Variants in OSBPL8 observed in about 807,000 individuals in gnomAD.
OSBPL8 encodes the protein oxysterol-binding protein-related protein 8.
Under a neutral mutation model 125.5 loss-of-function variants are expected in OSBPL8, and 59 were observed. The observed-to-expected ratio is 0.47, with a 90% CI of 0.38 to 0.58. OSBPL8 has a LOEUF of 0.58. Ranked by LOEUF, OSBPL8 falls within the 20% of genes least tolerant of loss-of-function variation. OSBPL8 has a pLI of 0.00. For missense variants in OSBPL8, 758 were observed against 1,047.8 expected (o/e 0.72, Z 3.82); for synonymous variants, 330 against 338.9 (o/e 0.97, Z 0.29).
Position 76,485,203 on chromosome 12 carries a change from G to GT in OSBPL8, c.42+2306dup, listed in dbSNP as rs546412293. On this transcript the variant is annotated intron_variant, in intron 2 of 23. Transcript: ENST00000261183. ...CTCCCAAAGTGCTGGGATTACAGGTGTGACGCACCGTGCCCGGCCTCTCAC... is the reference window on the plus strand; with the variant it reads ...CTCCCAAAGTGCTGGGATTACAGGTGTTGACGCACCGTGCCCGGCCTCTCAC... Among the ~76,000 whole-genome samples, 37 of 152,134 alleles carry GT rather than the reference G, an allele frequency of 2.4e-4. No individual in the cohort carries two copies. The South Asian group carries it at 7.3e-3, about 30-fold the overall frequency.
intron 2 of OSBPL8, among the ~76,000 whole-genome samples, chr12:76,471,054 C>T (rs1425567358): frequency 2.6e-5 from 4 of 152,176 alleles, no homozygotes; most frequent in Non-Finnish European, 5.9e-5. Context: ...AAAAAAAGCC[C>T]TCTCTTTCAA....
intron 21 of OSBPL8, among the ~76,000 whole-genome samples, chr12:76,361,346 G>C (rs1252143100): frequency 6.6e-6 from 1 of 152,226 alleles, no homozygotes; most frequent in East Asian, 1.9e-4. Flanking sequence ...CTCCATCTGA[G>C]ACCACCTCAG....
At chr12:76,388,963 C>T (rs1337853858) in intron 12 of OSBPL8, among the ~76,000 whole-genome samples, 1 of 151,882 alleles carries the variant, frequency 6.6e-6, no homozygotes, top group African/African-American at 2.4e-5. Flanking sequence ...GCACAGAAAG[C>T]ACAGTGCCTT....
rs72247585 is a variant in OSBPL8, at chr12:76,386,271, T to TAAA, written c.1435-8_1435-6dup. The TAAA allele has an allele frequency of 7.1e-5, 105 of 1,473,154 alleles. No homozygotes were observed. The highest frequency in any genetic ancestry group is 3.1e-4 in the Admixed American group (13 of 42,450). The allele number at this position is 1,473,154 out of a possible 1,614,324, so 91.3% of individuals were successfully genotyped here. On this transcript the variant is annotated splice_region_variant and splice_polypyrimidine_tract_variant and intron_variant, in intron 13 of 23. Coordinates refer to ENST00000261183, the MANE Select transcript of OSBPL8 (RefSeq NM_020841.5). ...ATTATAAGGTTTCTTCAGTCCCTGGTAAAAAAAAAAAAAAGCAATTTCAAA... is the reference window on the plus strand; with the variant it reads ...ATTATAAGGTTTCTTCAGTCCCTGGTAAAAAAAAAAAAAAAAAGCAATTTCAAA...
intron 1 of OSBPL8, among the ~76,000 whole-genome samples, chr12:76,532,583 T>C (rs1950375191): frequency 6.6e-6 from 1 of 152,170 alleles, no homozygotes; most frequent in Non-Finnish European, 1.5e-5. Flanking sequence ...TATTGGATTT[T>C]TGTTTTAACC....
intron 1 of OSBPL8, among the ~76,000 whole-genome samples, chr12:76,557,993 C>T (rs1951160316): frequency 1.3e-5 from 2 of 152,098 alleles, no homozygotes; most frequent in Admixed American, 6.6e-5. Context: ...GCTGTTCAAA[C>T]GGTTGACATG....
intron 18 of OSBPL8, among the ~76,000 whole-genome samples, chr12:76,372,469 A>G (rs1952657620): frequency 6.6e-6 from 1 of 152,094 alleles, no homozygotes; most frequent in Non-Finnish European, 1.5e-5. Context: ...TATAGGTGTG[A>G]GCCACCCCAC....
chr12:76,512,207 AAG>A (rs1199077613), intron 1 of OSBPL8, among the ~76,000 whole-genome samples: 3 of 152,186 alleles, frequency 2.0e-5, no homozygotes, highest in African/African-American at 7.2e-5. Flanking sequence ...TCCCACTTAT[AAG>A]AGAGAACATG....
chr12:76,415,062 CTCTT>C (rs1402696714), intron 4 of OSBPL8, among the ~76,000 whole-genome samples: 4 of 152,122 alleles, frequency 2.6e-5, no homozygotes, highest in Non-Finnish European at 5.9e-5. Context: ...ATAGGACAAT[CTCTT>C]TCAGTTGAAT....
At chr12:76,384,436 AT>A in intron 14 of OSBPL8, 86 bp from the exon 15 acceptor site, 1 of 747,398 alleles carries the variant, frequency 1.3e-6, no homozygotes. Flanking sequence ...TTATTGTGCC[AT>A]TATCAAAAGT....
intron 4 of OSBPL8, among the ~76,000 whole-genome samples, chr12:76,418,379 G>C (rs1040202958): frequency 3.9e-5 from 6 of 152,152 alleles, no homozygotes; most frequent in Non-Finnish European, 8.8e-5. Context: ...AGTAATAAGA[G>C]TATCTCTGGG....
At chr12:76,424,582 AT>A (rs1049955928) in intron 4 of OSBPL8, among the ~76,000 whole-genome samples, 3 of 152,210 alleles carry the variant, frequency 2.0e-5, no homozygotes, top group African/African-American at 7.2e-5. Flanking sequence ...GTTAAGCAGG[AT>A]TTGAAATTAA....
chr12:76,381,402 A>G (rs566644713), intron 15 of OSBPL8, among the ~76,000 whole-genome samples: 2 of 152,314 alleles, frequency 1.3e-5, no homozygotes, highest in East Asian at 3.9e-4. Context: ...AAATCAATTT[A>G]TCTGATATAA....
At chr12:76,362,804 T>A (rs1952260008) in intron 21 of OSBPL8, among the ~76,000 whole-genome samples, 1 of 152,136 alleles carries the variant, frequency 6.6e-6, no homozygotes, top group Non-Finnish European at 1.5e-5. Context: ...GCCCAAAATC[T>A]CCTTAAGCTG....
chr12:76,402,641 A>C (rs773953379), intron 6 of OSBPL8, 48 bp downstream of exon 6: 4 of 1,359,572 alleles, frequency 2.9e-6, no homozygotes. Flanking sequence ...CCAAACACAC[A>C]TGCAAAGCAC....
chr12:76,464,952 T>A (rs557386364), intron 2 of OSBPL8, among the ~76,000 whole-genome samples: 1 of 152,188 alleles, frequency 6.6e-6, no homozygotes, highest in Non-Finnish European at 1.5e-5. Flanking sequence ...GCCCTTAGAA[T>A]AACAAACTTC....
intron 4 of OSBPL8, among the ~76,000 whole-genome samples, chr12:76,413,399 T>A (rs1238481125): frequency 2.6e-5 from 4 of 152,224 alleles, no homozygotes; most frequent in South Asian, 2.1e-4. Context: ...TATTTATCCA[T>A]TCCACCATTA....
intron 7 of OSBPL8, among the ~76,000 whole-genome samples, chr12:76,398,859 A>T (rs76086020): frequency 2.6e-5 from 4 of 152,278 alleles, no homozygotes; most frequent in African/African-American, 9.6e-5. Context: ...AAGACAAGAG[A>T]GGCGAAAGGG....
intron 21 of OSBPL8, among the ~76,000 whole-genome samples, chr12:76,359,991 C>A (rs538097740): frequency 6.6e-6 from 1 of 152,166 alleles, no homozygotes; most frequent in Non-Finnish European, 1.5e-5. Context: ...TCTACCCTGG[C>A]CCCTCCAAAT....
Sources: allele counts gnomAD v4.1 joint callset (sites outside exome capture counted in the v4.1 genomes callset), GRCh38; gene constraint gnomAD v4.1.1; transcripts MANE v1.5; gene names NCBI Gene and HGNC (gene_info 2026-07-23, HGNC 2026-07-21).